The following KLHL4 variants were observed in gnomAD, a reference collection of about 807,000 sequenced individuals.
KLHL4 encodes kelch like family member 4.
A neutral mutation model predicts 45.8 loss-of-function variants in KLHL4; 17 were observed. The ratio of observed to expected loss-of-function variants is 0.37; its 90% CI spans 0.25 to 0.56. KLHL4 has a LOEUF of 0.56. KLHL4 is among the 20% of genes least tolerant of loss of function. The probability of loss-of-function intolerance (pLI) is 0.79; values close to 1 mark genes in which losing one functional copy is unlikely to be tolerated. For synonymous variants in KLHL4, 224 were observed against 189.9 expected (o/e 1.18, Z -1.47); for missense variants, 544 against 544.9 (o/e 1.00, Z 0.02).
chrX:87,665,128 T>G (rs1014807108), intron 10 of KLHL4, among the ~76,000 whole-genome samples, 193 bp downstream of exon 10: 4 of 111,540 alleles, frequency 3.6e-5, no homozygotes, highest in Non-Finnish European at 7.5e-5. Flanking sequence ...GACATGATAG[T>G]TGATAGCAGG....
chrX:87,544,909 TAC>T (rs1931641339), intron 1 of KLHL4, among the ~76,000 whole-genome samples: 1 of 111,448 alleles, frequency 9.0e-6, no homozygotes, highest in South Asian at 3.8e-4. Context: ...AAAAAACACA[TAC>T]TAGGATCAAT....
At chrX:87,613,777 C>A (rs1922458726) in intron 1 of KLHL4, 100 bp from the exon 2 acceptor site, 1 of 509,321 alleles carries the variant, frequency 2.0e-6, no homozygotes, top group Middle Eastern at 6.3e-4. Flanking sequence ...AGTTGGTATG[C>A]CTAAATTTCC....
chrX:87,586,784 A>G (rs1241043365), intron 1 of KLHL4, among the ~76,000 whole-genome samples: 1 of 111,525 alleles, frequency 9.0e-6, no homozygotes, highest in Non-Finnish European at 1.9e-5. Context: ...AATCAGAGCT[A>G]AAATAAATGA....
At chrX:87,633,377 G>T (rs1923161094) in intron 7 of KLHL4, among the ~76,000 whole-genome samples, 1 of 111,542 alleles carries the variant, frequency 9.0e-6, no homozygotes, top group South Asian at 3.7e-4. Context: ...TAATTCTAAG[G>T]TTTATCTAAG....
In KLHL4 at chrX:87,523,577, C is replaced by T. The variant is rs747044752; in HGVS notation, c.422+5262C>T. Among the ~76,000 whole-genome samples, 33 of 111,655 alleles carry T rather than the reference C, an allele frequency of 3.0e-4. No individual in the cohort carries two copies. The South Asian group carries it at 7.9e-3, about 27-fold the overall frequency. On this transcript the variant is annotated intron_variant, in intron 1 of 10. Transcript: ENST00000373119. ...AAGCTCCCAATAGCCAAAACTGGAA[C>T]AATTTCAATAGCAAAAGGAAGTACT...
intron 1 of KLHL4, among the ~76,000 whole-genome samples, chrX:87,551,578 AATAG>A (rs1195629432): frequency 1.4e-5 from 1 of 72,632 alleles, no homozygotes; most frequent in East Asian, 7.4e-4. Context: ...CAGATAGATA[AATAG>A]ATAGGTAGAT....
chrX:87,652,572 C>T (rs749749984), intron 9 of KLHL4, among the ~76,000 whole-genome samples: 5 of 112,067 alleles, frequency 4.5e-5, no homozygotes, highest in Admixed American at 2.8e-4. Context: ...AAACAAAACA[C>T]GAGTCACCTT....
chrX:87,658,382 C>T (rs1046078944), intron 9 of KLHL4, among the ~76,000 whole-genome samples: 1 of 111,452 alleles, frequency 9.0e-6, no homozygotes, highest in African/African-American at 3.3e-5. Flanking sequence ...AGTAGAGACT[C>T]CTATAGTTAG....
chrX:87,593,845 C>A, intron 1 of KLHL4, among the ~76,000 whole-genome samples: 1 of 111,310 alleles, frequency 9.0e-6, no homozygotes, highest in Middle Eastern at 4.6e-3. Context: ...ATCTTCACAG[C>A]CATCACCTTG....
intron 1 of KLHL4, among the ~76,000 whole-genome samples, chrX:87,600,771 A>G (rs189197099): frequency 1.6e-3 from 184 of 112,434 alleles, no homozygotes; most frequent in Non-Finnish European, 3.2e-3. Context: ...TTAAATCAAC[A>G]GACTTCACCA....
Position 87,668,374 on chromosome X carries a change from G to C in KLHL4, c.*1840G>C. The C allele has an allele frequency of 6.6e-6, 5 of 753,032 alleles. No individual in the cohort carries two copies. The highest frequency in any genetic ancestry group is 7.8e-6 in the Non-Finnish European group (5 of 638,187). 62.1% of individuals were successfully genotyped at this position (753,032 alleles called of 1,213,427 possible). A position where few individuals can be genotyped will look rare whatever the true frequency, so the allele number is the denominator to read the frequency against. ...TGTCTAGAGTCATGCATGGACAAGAGGAAAGTGAAAGTTGAATACTCTCTT... is the reference window on the plus strand; with the variant it reads ...TGTCTAGAGTCATGCATGGACAAGACGAAAGTGAAAGTTGAATACTCTCTT... On this transcript the variant is annotated 3_prime_UTR_variant, in exon 11 of 11. Coordinates refer to ENST00000373119, the MANE Select transcript of KLHL4 (RefSeq NM_019117.5).
chrX:87,615,320 T>C (rs933649447), intron 3 of KLHL4, among the ~76,000 whole-genome samples: 4 of 111,783 alleles, frequency 3.6e-5, no homozygotes, highest in Non-Finnish European at 5.7e-5. Context: ...TATTAATCTT[T>C]TTATAAAGCA....
At chrX:87,530,918 C>T (rs1344285156) in intron 1 of KLHL4, among the ~76,000 whole-genome samples, 36 of 110,707 alleles carry the variant, frequency 3.3e-4, no homozygotes, top group African/African-American at 1.2e-3. Context: ...TTCTCCACAT[C>T]CTCTCCAGCA....
At chrX:87,589,802 G>A (rs1258881045) in intron 1 of KLHL4, among the ~76,000 whole-genome samples, 1 of 110,495 alleles carries the variant, frequency 9.1e-6, no homozygotes, top group African/African-American at 3.3e-5. Context: ...GGCTGAGGCA[G>A]GTGGATCACC....
Position 87,584,875 on chromosome X carries a change from G to T in KLHL4, c.423-29002G>T, listed in dbSNP as rs934997523. 3.0e-5 allele frequency among the ~76,000 whole-genome samples: 3 copies of T among 99,399 alleles called. No homozygotes were observed. In the Admixed American group the frequency reaches 3.3e-4, roughly 11 times the overall value. 86.3% of individuals were successfully genotyped at this position (99,399 alleles called of 115,157 possible). On this transcript the variant is annotated intron_variant, in intron 1 of 10. Coordinates refer to ENST00000373119, the MANE Select transcript of KLHL4 (RefSeq NM_019117.5). ...CCGTATCCAAAAAAAAAAAAAAAAAGTTATAGAACATCAAGTAGATTTACC... is the reference window on the plus strand; with the variant it reads ...CCGTATCCAAAAAAAAAAAAAAAAATTTATAGAACATCAAGTAGATTTACC...
chrX:87,556,965 C>A (rs924541131), intron 1 of KLHL4, among the ~76,000 whole-genome samples: 24 of 111,446 alleles, frequency 2.2e-4, no homozygotes, highest in African/African-American at 7.2e-4. Context: ...TGAATATCTT[C>A]CAGGCAATCC....
chrX:87,532,102 AT>A (rs1215751862), intron 1 of KLHL4, among the ~76,000 whole-genome samples: 1 of 110,169 alleles, frequency 9.1e-6, no homozygotes, highest in African/African-American at 3.3e-5. Context: ...TCTTGAATTA[AT>A]TTTTGTATAA....
At chrX:87,583,555 T>G (rs941965835) in intron 1 of KLHL4, among the ~76,000 whole-genome samples, 3 of 111,750 alleles carry the variant, frequency 2.7e-5, no homozygotes, top group Non-Finnish European at 5.6e-5. Flanking sequence ...CTCCCAGACA[T>G]TTCTAGACAC....
At position 87,667,211 on chromosome X, in the gene KLHL4, G is replaced by A. The variant is rs762371455; in HGVS notation, c.*677G>A. On this transcript the variant is annotated 3_prime_UTR_variant, in exon 11 of 11. Transcript: ENST00000373119. Reference sequence around the variant, plus strand: ...TTGGTATTTCTTAACATATTATCTTGTTAGATTTGTTACCAGTAAAATATT... The same window carrying A: ...TTGGTATTTCTTAACATATTATCTTATTAGATTTGTTACCAGTAAAATATT... 1.4e-6 allele frequency: 1 copy of A among 716,837 alleles called. No individual in the cohort carries two copies. Among genetic ancestry groups the A allele is most frequent in the African/African-American group, 2.4e-5 (1 of 42,426 alleles). 59.1% of individuals were successfully genotyped at this position (716,837 alleles called of 1,213,427 possible).
Sources: gnomAD v4.1 joint callset for allele counts (sites outside exome capture counted in the v4.1 genomes callset) on GRCh38, gnomAD v4.1.1 for gene constraint, MANE v1.5 for transcripts, NCBI Gene and HGNC (gene_info 2026-07-23, HGNC 2026-07-21) for gene names.